The following AKT3 variants were observed in gnomAD, a reference collection of about 807,000 sequenced individuals.
The protein encoded by AKT3 is AKT serine/threonine kinase 3, also known as RAC-gamma serine/threonine-protein kinase.
AKT3 carries 15 observed loss-of-function variants against 65.3 expected under a neutral mutation model. The ratio of observed to expected loss-of-function variants is 0.23; its 90% confidence interval spans 0.15 to 0.35. The LOEUF is 0.35. Among genes scored for constraint, AKT3 ranks in the 10% least tolerant of loss-of-function variants. The pLI is 1.00. For synonymous variants in AKT3, 206 were observed against 183.8 expected, an observed-to-expected ratio of 1.12 and a Z score of -0.98; for missense variants, 243 against 576.5, an observed-to-expected ratio of 0.42 and a Z score of 5.92.
At chr1:243,814,723 T>C (rs1354659774) in intron 2 of AKT3, 1 of 152,208 alleles carries the variant, frequency 6.6e-6, no homozygotes, top group African/African-American at 2.4e-5. Flanking sequence ...TAGCTATCTA[T>C]CACTGCATAA....
rs1392153151 is a variant in AKT3 at position 243,500,951 on chromosome 1, C to T, written c.*4298G>A. Reference sequence around the variant, plus strand: ...TGTCCTTAATTCTGTTTTAGATATACTGTGAATAAATTATACAATATTCTA... The same window carrying T: ...TGTCCTTAATTCTGTTTTAGATATATTGTGAATAAATTATACAATATTCTA... On this transcript the variant is annotated 3_prime_UTR_variant, in exon 14 of 14. Transcript: ENST00000673466. 8.8e-6 allele frequency: 2 copies of T among 227,478 alleles called. No homozygotes were observed. Among genetic ancestry groups the T allele is most frequent in the Non-Finnish European group, 1.7e-5 (2 of 114,612 alleles). 14.1% of individuals were successfully genotyped at this position (227,478 alleles called of 1,614,324 possible). A position where few individuals can be genotyped will look rare whatever the true frequency, so the allele number is the denominator to read the frequency against.
At chr1:243,793,907 TCA>T (rs1323689960) in intron 2 of AKT3, among the ~76,000 whole-genome samples, 1 of 152,222 alleles carries the variant, frequency 6.6e-6, no homozygotes, top group Non-Finnish European at 1.5e-5. Flanking sequence ...GATATTATTC[TCA>T]TTCTACTGAG....
At chr1:243,627,259 C>A (rs1679240970) in intron 6 of AKT3, among the ~76,000 whole-genome samples, 1 of 151,306 alleles carries the variant, frequency 6.6e-6, no homozygotes, top group South Asian at 2.1e-4. Flanking sequence ...TTTGGGAGGC[C>A]AAGGCAGGAG....
intron 2 of AKT3, among the ~76,000 whole-genome samples, chr1:243,781,168 T>C (rs376290014): frequency 1.3e-5 from 2 of 152,138 alleles, no homozygotes; most frequent in South Asian, 2.1e-4. Flanking sequence ...TGATACCACA[T>C]ATATAAACCC....
chr1:243,571,225 G>T lies in AKT3; in HGVS notation c.819+1701C>A, dbSNP rs1195731522. ...CCAGCTACTCAGGAGGCTGAGGCAG[G>T]AGAATCGCCAGAACCAGGGAGTTGG... On this transcript the variant is annotated intron_variant, in intron 9 of 13. Coordinates refer to ENST00000673466, the MANE Select transcript of AKT3 (RefSeq NM_005465.7). 2.0e-5 allele frequency among the ~76,000 whole-genome samples: 3 copies of T among 152,184 alleles called. No individual in the cohort carries two copies. The South Asian group carries it at 6.2e-4, about 32-fold the overall frequency.
intron 1 of AKT3, among the ~76,000 whole-genome samples, chr1:243,848,355 T>C (rs1208251084): frequency 6.6e-6 from 1 of 152,188 alleles, no homozygotes; most frequent in Non-Finnish European, 1.5e-5. Context: ...TCATAAACCT[T>C]GGAAAACTAG....
chr1:243,678,564 C>T (rs1217401971), intron 3 of AKT3, among the ~76,000 whole-genome samples: 1 of 152,158 alleles, frequency 6.6e-6, no homozygotes, highest in African/African-American at 2.4e-5. Context: ...TGATTCACTA[C>T]ATTAAGATTT....
intron 3 of AKT3, among the ~76,000 whole-genome samples, chr1:243,680,660 G>A (rs1159344643): frequency 6.6e-6 from 1 of 151,968 alleles, no homozygotes; most frequent in Non-Finnish European, 1.5e-5. Context: ...TCAACTCAGA[G>A]GAAGCAACAA....
intron 2 of AKT3, among the ~76,000 whole-genome samples, chr1:243,731,029 G>C (rs1687527982): frequency 1.3e-5 from 2 of 152,216 alleles, no homozygotes. Context: ...AGCCTGCCGG[G>C]CTGAGTGGGT....
At chr1:243,616,961 T>C (rs553331963) in intron 6 of AKT3, among the ~76,000 whole-genome samples, 64 of 152,144 alleles carry the variant, frequency 4.2e-4, no homozygotes, top group Non-Finnish European at 7.9e-4. Context: ...ATAGCAAACA[T>C]TGTAAAACAA....
intron 2 of AKT3, among the ~76,000 whole-genome samples, chr1:243,797,467 G>T (rs932763137): frequency 1.3e-5 from 2 of 152,158 alleles, no homozygotes; most frequent in African/African-American, 4.8e-5. Flanking sequence ...TGAATTAACT[G>T]TCTTCTAGGT....
At chr1:243,828,008 T>C (rs1466104016) in intron 2 of AKT3, among the ~76,000 whole-genome samples, 3 of 152,006 alleles carry the variant, frequency 2.0e-5, no homozygotes, top group Non-Finnish European at 4.4e-5. Flanking sequence ...TCACTTTGAG[T>C]TCCGGTCAGC....
At chr1:243,776,213 A>G (rs1380703123) in intron 2 of AKT3, among the ~76,000 whole-genome samples, 2 of 152,238 alleles carry the variant, frequency 1.3e-5, no homozygotes, top group Non-Finnish European at 2.9e-5. Flanking sequence ...TTTTAGGCCA[A>G]GTCAAAATGA....
chr1:243,571,863 A>T (rs572106550), intron 9 of AKT3, among the ~76,000 whole-genome samples: 1 of 152,206 alleles, frequency 6.6e-6, no homozygotes, highest in Non-Finnish European at 1.5e-5. Context: ...GTCATCTCTG[A>T]TCTAGATGTT....
chr1:243,640,844 T>G (rs886587590), intron 5 of AKT3, among the ~76,000 whole-genome samples: 1 of 152,194 alleles, frequency 6.6e-6, no homozygotes, highest in Non-Finnish European at 1.5e-5. Context: ...TTGAGGTAGT[T>G]TGTTCCACAG....
At chr1:243,805,070 T>C (rs1321974628) in intron 2 of AKT3, among the ~76,000 whole-genome samples, 1 of 152,132 alleles carries the variant, frequency 6.6e-6, no homozygotes, top group Non-Finnish European at 1.5e-5. Flanking sequence ...TGGGCAGAGA[T>C]TTCTTCATTC....
intron 8 of AKT3, among the ~76,000 whole-genome samples, chr1:243,606,549 G>A (rs1677437336): frequency 2.6e-5 from 4 of 152,198 alleles, no homozygotes; most frequent in Admixed American, 1.3e-4. Flanking sequence ...AAATTTCTAA[G>A]TGGCAAAGCA....
At chr1:243,819,945 G>A (rs1260216398) in intron 2 of AKT3, among the ~76,000 whole-genome samples, 1 of 145,630 alleles carries the variant, frequency 6.9e-6, no homozygotes. Context: ...TTGAGATGGG[G>A]TCTTGCTCTG....
At chr1:243,655,163 T>C (rs142654738) in intron 4 of AKT3, among the ~76,000 whole-genome samples, 2,344 of 152,284 alleles carry the variant, frequency 0.015, 35 homozygotes, top group Non-Finnish European at 0.02. Flanking sequence ...AAACGTTCTG[T>C]TCTGACGTAT....
Sources: allele counts gnomAD v4.1 joint callset (sites outside exome capture counted in the v4.1 genomes callset), GRCh38; gene constraint gnomAD v4.1.1; transcripts MANE v1.5; gene names NCBI Gene and HGNC (gene_info 2026-07-23, HGNC 2026-07-21).